The following VPS13B variants were observed in gnomAD, a reference collection of about 807,000 sequenced individuals.
VPS13B encodes vacuolar protein sorting 13 homolog B, also known as intermembrane lipid transfer protein VPS13B.
VPS13B carries 285 observed loss-of-function variants against 426.4 expected under a neutral mutation model. That is an observed-to-expected ratio of 0.67 (90% CI 0.61 to 0.74). The LOEUF (loss-of-function observed/expected upper bound fraction) is 0.74, where lower values mean the gene tolerates loss of function less well. Among genes scored for constraint, VPS13B ranks in the 30% least tolerant of loss-of-function variants. VPS13B has a pLI of 0.00. For synonymous variants in VPS13B, 1,676 were observed against 1,676.4 expected (o/e 1.00, Z 0.01); for missense variants, 4,537 against 4,782.6 (o/e 0.95, Z 1.51).
intron 17 of VPS13B, among the ~76,000 whole-genome samples, chr8:99,204,381 T>C (rs1814552606): frequency 6.6e-6 from 1 of 152,180 alleles, no homozygotes; most frequent in Admixed American, 6.5e-5. Flanking sequence ...AAGACTTAAA[T>C]GTAAGACCTA....
At chr8:99,418,409 A>G (rs931831035) in intron 21 of VPS13B, among the ~76,000 whole-genome samples, 1 of 150,710 alleles carries the variant, frequency 6.6e-6, no homozygotes, top group Non-Finnish European at 1.5e-5. Flanking sequence ...TTTAAAAACT[A>G]TACCATATAG....
At chr8:99,760,839 G>A (rs1454174087) in intron 39 of VPS13B, among the ~76,000 whole-genome samples, 1 of 152,138 alleles carries the variant, frequency 6.6e-6, no homozygotes, top group Non-Finnish European at 1.5e-5. Context: ...AAACAATACA[G>A]TGTAACAACT....
chr8:99,391,649 A>G lies in VPS13B; in HGVS notation c.3027A>G (p.Gln1009=), dbSNP rs1814454495. The G allele has an allele frequency of 6.2e-6, 10 of 1,614,172 alleles. No homozygotes were observed. Among genetic ancestry groups the G allele is most frequent in the Middle Eastern group, 1.6e-4 (1 of 6,062 alleles). The change falls in exon 21 of 62, where the codon CAA becomes CAG. Residue 1009 remains glutamine (Q), a synonymous_variant. Coordinates refer to ENST00000357162, the MANE Select transcript of VPS13B (RefSeq NM_152564.5). ...SIGSAPLAKQ[Q]SYQASEYASS... is the part of the protein sequence containing the mutation. ...GAAGTGCCCCCTTGGCAAAGCAGCA[A>G]TCATATCAGGCCTCTGAATATGCCA...
At chr8:99,379,843 CAGAA>C (rs1813696874) in intron 19 of VPS13B, among the ~76,000 whole-genome samples, 1 of 152,196 alleles carries the variant, frequency 6.6e-6, no homozygotes, top group Non-Finnish European at 1.5e-5. Flanking sequence ...GCTCATTTGA[CAGAA>C]AGAAATTCAT....
chr8:99,313,078 T>A (rs888671647), intron 19 of VPS13B, among the ~76,000 whole-genome samples: 3 of 152,174 alleles, frequency 2.0e-5, no homozygotes, highest in African/African-American at 7.2e-5. Context: ...TCTAATCTTT[T>A]TTCAAGGTTT....
At chr8:99,238,568 TA>T (rs923351817) in intron 17 of VPS13B, among the ~76,000 whole-genome samples, 3 of 152,106 alleles carry the variant, frequency 2.0e-5, no homozygotes, top group African/African-American at 7.2e-5. Flanking sequence ...CTTTGTAGAA[TA>T]AAAAATAAGT....
chr8:99,392,402 T>G (rs1814495338), intron 21 of VPS13B, among the ~76,000 whole-genome samples: 1 of 152,072 alleles, frequency 6.6e-6, no homozygotes, highest in Admixed American at 6.6e-5. Flanking sequence ...TGTTTTTTCT[T>G]CTTAACCTCT....
chr8:99,199,325 C>T lies in VPS13B; in HGVS notation c.2515+6268C>T, dbSNP rs187525125. ...TAGCTGGGACTACAGGTGCCTGCCA[C>T]CACACCCGGCTAAGATTTTGTATTT... On this transcript the variant is annotated intron_variant, in intron 17 of 61. Transcript: ENST00000357162. 6.3e-3 allele frequency among the ~76,000 whole-genome samples: 957 copies of T among 152,218 alleles called. 7 individuals are homozygous for T. Among genetic ancestry groups the T allele is most frequent in the African/African-American group, 0.022 (899 of 41,528 alleles).
At chr8:99,262,757 G>A (rs766730045) in intron 17 of VPS13B, among the ~76,000 whole-genome samples, 4 of 149,956 alleles carry the variant, frequency 2.7e-5, no homozygotes, top group Non-Finnish European at 5.9e-5. Context: ...CTGTTTGAAT[G>A]TTTTGGATGG....
chr8:99,135,208 C>T, intron 10 of VPS13B, 71 bp downstream of exon 10: 1 of 1,586,626 alleles, frequency 6.3e-7, no homozygotes, highest in South Asian at 1.1e-5. Flanking sequence ...AAGTGTTTAA[C>T]CATATAATAT....
chr8:99,235,421 G>A (rs535538387), intron 17 of VPS13B, among the ~76,000 whole-genome samples: 5 of 152,182 alleles, frequency 3.3e-5, no homozygotes, highest in African/African-American at 1.2e-4. Context: ...GCTTAGTAGT[G>A]TGCTATATTT....
rs905793374 is a variant in VPS13B at position 99,719,081 on chromosome 8, A to G, written c.6658-1264A>G. 2.0e-5 allele frequency among the ~76,000 whole-genome samples: 3 copies of G among 152,232 alleles called. No homozygotes were observed. The South Asian group carries it at 6.2e-4, about 31-fold the overall frequency. On this transcript the variant is annotated intron_variant, in intron 37 of 61. Coordinates refer to ENST00000357162, the MANE Select transcript of VPS13B (RefSeq NM_152564.5). ...GTTGCTTTGGAGATTTTCAGTATCT[A>G]TCAGAAATCTTCATATATTTAGCAA...
intron 29 of VPS13B, 80 bp downstream of exon 29, chr8:99,511,592 T>C (rs978544183): frequency 7.0e-6 from 10 of 1,432,424 alleles, no homozygotes; most frequent in Middle Eastern, 1.9e-4. Flanking sequence ...TTTTTGTTTC[T>C]TTTAAAAAAT....
At chr8:99,802,179 C>T (rs867189397) in intron 43 of VPS13B, among the ~76,000 whole-genome samples, 4 of 151,576 alleles carry the variant, frequency 2.6e-5, no homozygotes, top group Middle Eastern at 3.4e-3. Flanking sequence ...AAGCTGTGGC[C>T]CTAGGGAAAA....
At chr8:99,428,635 C>G (rs1816881740) in intron 21 of VPS13B, among the ~76,000 whole-genome samples, 1 of 152,156 alleles carries the variant, frequency 6.6e-6, no homozygotes, top group Admixed American at 6.5e-5. Context: ...CAGGAAACAA[C>G]AGGTGCTGGA....
At chr8:99,067,893 AATTAT>A (rs1844624203) in intron 3 of VPS13B, among the ~76,000 whole-genome samples, 1 of 152,174 alleles carries the variant, frequency 6.6e-6, no homozygotes, top group Admixed American at 6.5e-5. Flanking sequence ...GTTGTTTTGG[AATTAT>A]ATGTGATTAT....
intron 13 of VPS13B, among the ~76,000 whole-genome samples, chr8:99,147,046 C>T (rs1181656204): frequency 6.6e-6 from 1 of 151,978 alleles, no homozygotes; most frequent in South Asian, 2.1e-4. Flanking sequence ...AATTGGGTCA[C>T]CATTATAGTG....
At chr8:99,715,708 G>A (rs1280676691) in intron 36 of VPS13B, among the ~76,000 whole-genome samples, 1 of 152,124 alleles carries the variant, frequency 6.6e-6, no homozygotes, top group Non-Finnish European at 1.5e-5. Context: ...TGAAAATAAA[G>A]GATGATGCAA....
chr8:99,606,607 GTTTTCT>G (rs1408212805), intron 33 of VPS13B, among the ~76,000 whole-genome samples: 4 of 145,278 alleles, frequency 2.8e-5, no homozygotes, highest in East Asian at 2.0e-4. Context: ...CTTGCCTTTT[GTTTTCT>G]TTTTCTTTTT....
Sources: allele counts gnomAD v4.1 joint callset (sites outside exome capture counted in the v4.1 genomes callset), GRCh38; gene constraint gnomAD v4.1.1; transcripts MANE v1.5; gene names NCBI Gene and HGNC (gene_info 2026-07-23, HGNC 2026-07-21).